Variants in SETX observed in about 807,000 individuals in gnomAD.
SETX encodes the protein helicase senataxin.
A neutral mutation model predicts 227.2 loss-of-function variants in SETX; 90 were observed. That is an observed-to-expected ratio of 0.40 (90% confidence interval 0.33 to 0.47). The LOEUF (loss-of-function observed/expected upper bound fraction) is 0.47, where lower values mean the gene tolerates loss of function less well. Among genes scored for constraint, SETX ranks in the 20% least tolerant of loss-of-function variants. The pLI is 0.91. For missense variants in SETX, 3,052 were observed against 3,181.5 expected (o/e 0.96, Z 0.98); for synonymous variants, 1,210 against 1,113.2 (o/e 1.09, Z -1.73).
intron 15 of SETX, among the ~76,000 whole-genome samples, chr9:132,291,312 G>GC (rs904480262): frequency 4.6e-5 from 7 of 151,602 alleles, no homozygotes; most frequent in Middle Eastern, 3.4e-3. Flanking sequence ...GACTACAGGC[G>GC]CCCCCCACCA....
intron 12 of SETX, 30 bp downstream of exon 12, chr9:132,300,600 T>C: frequency 1.9e-6 from 3 of 1,605,884 alleles, no homozygotes; most frequent in Non-Finnish European, 2.6e-6. Flanking sequence ...GTATCTGACA[T>C]TTCCTGTCAA....
chr9:132,328,737 G>A lies in SETX; in HGVS notation c.2861C>T (p.Thr954Met). ...PDISPKSDTL[T>M]DSQIDRDLHK... Reference sequence around the variant, plus strand: ...AAGGTCTCTGTCTATCTGAGAATCCGTTAAGGTGTCAGATTTAGGACTGAT... The same window carrying A: ...AAGGTCTCTGTCTATCTGAGAATCCATTAAGGTGTCAGATTTAGGACTGAT... The change falls in exon 10 of 26, where the codon ACG (threonine) becomes ATG (methionine). Residue 954 changes from threonine to methionine, a missense_variant. Thr to Met is a moderately conservative substitution (Grantham distance 81). This residue lies in a region of SETX where 1,483 missense variants were observed against 1,312.0 expected (regional missense o/e 1.13). Transcript: ENST00000224140. The A allele has an allele frequency of 3.1e-6, 5 of 1,613,338 alleles. No individual in the cohort carries two copies. The highest frequency in any genetic ancestry group is 2.2e-5 in the South Asian group (2 of 90,932).
chr9:132,314,250 G>A (rs1198109925), intron 10 of SETX, among the ~76,000 whole-genome samples: 4 of 152,108 alleles, frequency 2.6e-5, no homozygotes, highest in Admixed American at 1.3e-4. Context: ...CCACCACCAC[G>A]CCTGGCTAAT....
chr9:132,349,912 T>C (rs1457344493), intron 2 of SETX, among the ~76,000 whole-genome samples: 1 of 152,108 alleles, frequency 6.6e-6, no homozygotes. Flanking sequence ...GAAAAAGCCC[T>C]CCTCTTTTTA....
intron 15 of SETX, among the ~76,000 whole-genome samples, chr9:132,291,585 CTG>C (rs1333160576): frequency 4.7e-4 from 71 of 152,254 alleles, no homozygotes; most frequent in African/African-American, 1.6e-3. Flanking sequence ...CTTTACACTG[CTG>C]GGTAAGCTCA....
At position 132,331,536 on chromosome 9, in the gene SETX, G is replaced by A. The variant is rs1187415333; in HGVS notation, c.839-88C>T. 4 of 1,408,000 alleles carry A rather than the reference G, an allele frequency of 2.8e-6. No individual in the cohort carries two copies. The African/African-American group carries it at 5.7e-5, about 20-fold the overall frequency. 87.2% of individuals were successfully genotyped at this position (1,408,000 alleles called of 1,614,324 possible). ...TGAGAATTAAGCATATTCTTTATCT[G>A]GTGAGTAGCAACCCAACTAAAAGCC... On this transcript the variant is annotated intron_variant, in intron 7 of 25. Transcript: ENST00000224140.
chr9:132,341,377 C>T (rs939217722), intron 5 of SETX, among the ~76,000 whole-genome samples: 7 of 152,140 alleles, frequency 4.6e-5, no homozygotes, highest in Admixed American at 3.9e-4. Context: ...TCAGAGCATG[C>T]GCTTTCCTCG....
chr9:132,320,533 G>GCA (rs953736903), intron 10 of SETX, among the ~76,000 whole-genome samples: 2 of 130,426 alleles, frequency 1.5e-5, no homozygotes, highest in African/African-American at 2.9e-5. Flanking sequence ...GGCAGAGCTT[G>GCA]CAGTGAGCCA....
chr9:132,262,699 T>C lies in SETX; in HGVS notation c.*1540A>G, dbSNP rs930003353. On this transcript the variant is annotated 3_prime_UTR_variant, in exon 26 of 26. Transcript: ENST00000224140. ...TAATGAAATCAAATGCTCAAACTTT[T>C]GGCAACCGAAAGTTGTTTTTTAAAG... 1 of 152,652 alleles carries C rather than the reference T, an allele frequency of 6.6e-6. No homozygotes were observed. Among genetic ancestry groups the C allele is most frequent in the Middle Eastern group, 3.2e-3 (1 of 316 alleles). 9.5% of individuals were successfully genotyped at this position (152,652 alleles called of 1,614,324 possible).
At chr9:132,347,875 T>G (rs1465717677) in intron 3 of SETX, among the ~76,000 whole-genome samples, 1 of 152,096 alleles carries the variant, frequency 6.6e-6, no homozygotes. Context: ...CTCTCCTCTA[T>G]ATACTGTATA....
Position 132,275,431 on chromosome 9 carries a change from T to C in SETX, c.6936-11A>G, listed in dbSNP as rs146193654. The C allele has an allele frequency of 2.2e-4, 345 of 1,591,044 alleles. 1 individual carries two copies. The African/African-American group carries it at 4.1e-3, about 19-fold the overall frequency. On this transcript the variant is annotated splice_polypyrimidine_tract_variant and intron_variant, in intron 22 of 25. Coordinates refer to ENST00000224140, the MANE Select transcript of SETX (RefSeq NM_015046.7). ...ACATTTATATATGAGCTAAACAAGA[T>C]GGAAAAAGAAAACACAGTGTTATCA...
chr9:132,336,228 G>C, intron 6 of SETX, 68 bp downstream of exon 6: 1 of 1,354,900 alleles, frequency 7.4e-7, no homozygotes, highest in Admixed American at 1.8e-5. Flanking sequence ...GGGCAACAGA[G>C]TGAGACTGTC....
chr9:132,335,169 T>C (rs1847518283), intron 6 of SETX, among the ~76,000 whole-genome samples: 1 of 151,816 alleles, frequency 6.6e-6, no homozygotes. Context: ...GGCGGGCAGA[T>C]CACAAAGTCA....
intron 11 of SETX, among the ~76,000 whole-genome samples, chr9:132,301,088 CTTTTT>C (rs200657740): frequency 8.1e-6 from 1 of 123,922 alleles, no homozygotes; most frequent in Non-Finnish European, 1.8e-5. Context: ...GTTTATTCTG[CTTTTT>C]TTTTTTTTTT....
Position 132,332,841 on chromosome 9 carries a change from A to G in SETX, c.839-1393T>C, listed in dbSNP as rs568919771. ...GAGTCAGAGGCAGGAGGATGACTTG[A>G]GCCTGGGAGGTTAAGGCTGCAGTGA... On this transcript the variant is annotated intron_variant, in intron 7 of 25. Transcript: ENST00000224140. 1.3e-3 allele frequency among the ~76,000 whole-genome samples: 190 copies of G among 149,834 alleles called. 3 individuals carry two copies. Among genetic ancestry groups the G allele is most frequent in the Middle Eastern group, 6.9e-3 (2 of 290 alleles).
Position 132,296,026 on chromosome 9 carries a change from G to A in SETX, c.5952C>T (p.Asn1984=), listed in dbSNP as rs1483670851. 1 of 1,613,890 alleles carries A rather than the reference G, an allele frequency of 6.2e-7. No homozygotes were observed. Among genetic ancestry groups the A allele is most frequent in the Non-Finnish European group, 8.5e-7 (1 of 1,180,024 alleles). Residue 1984 remains asparagine (N), a splice_region_variant and synonymous_variant, in exon 15 of 26, where the codon AAC becomes AAT. Transcript: ENST00000224140. ...VGLLYRLLTE[N]QRKGHSDENS... is the part of the protein sequence containing the mutation. ...TTTCGTCTGAATGCCCCTTCCTCTG[G>A]TTCTACAATTTGCCACATATACATA... is the stretch of plus-strand genomic sequence containing the variant.
rs1255004990 is a variant in SETX at position 132,262,840 on chromosome 9, C to G, written c.*1399G>C. ...TGAATCTTCAGCTATTTTCCTACCC[C>G]CAAATGAGATATGGGGCTGCACAGC... On this transcript the variant is annotated 3_prime_UTR_variant, in exon 26 of 26. Transcript: ENST00000224140. 3 of 152,206 alleles carry G rather than the reference C, an allele frequency of 2.0e-5. No homozygotes were observed. The highest frequency in any genetic ancestry group is 7.2e-5 in the African/African-American group (3 of 41,420). 9.4% of individuals were successfully genotyped at this position (152,206 alleles called of 1,614,324 possible). A position where few individuals can be genotyped will look rare whatever the true frequency, so the allele number is the denominator to read the frequency against.
At chr9:132,338,666 T>C (rs1245885124) in intron 5 of SETX, among the ~76,000 whole-genome samples, 1 of 152,210 alleles carries the variant, frequency 6.6e-6, no homozygotes, top group African/African-American at 2.4e-5. Context: ...ATATATTTAT[T>C]AGCTATTGGT....
At position 132,330,153 on chromosome 9, in the gene SETX, G is replaced by A; in HGVS notation, c.1445C>T (p.Ser482Phe). The A allele has an allele frequency of 6.2e-7, 1 of 1,604,366 alleles. No individual in the cohort carries two copies. Among genetic ancestry groups the A allele is most frequent in the Non-Finnish European group, 8.5e-7 (1 of 1,173,146 alleles). ...GACGACGGCTTCCACCCATTGCTGGGAACTTACCCACAGCAAATGCAAACA... is the reference window on the plus strand; with the variant it reads ...GACGACGGCTTCCACCCATTGCTGGAAACTTACCCACAGCAAATGCAAACA... Reference protein sequence around the residue: ...KKCLHLLWVSSQQWVEAVVKC... With the variant: ...KKCLHLLWVSFQQWVEAVVKC... The change falls in exon 10 of 26, where the codon TCC (serine) becomes TTC (phenylalanine). Residue 482 changes from serine to phenylalanine, a missense_variant. This residue lies in a region of SETX where 179 missense variants were observed against 197.1 expected (regional missense o/e 0.91). Transcript: ENST00000224140.
Sources: allele counts gnomAD v4.1 joint callset (sites outside exome capture counted in the v4.1 genomes callset), GRCh38; gene constraint gnomAD v4.1.1; regional missense constraint gnomAD v4.1.1; transcripts MANE v1.5; gene names NCBI Gene and HGNC (gene_info 2026-07-23, HGNC 2026-07-21).